Variants in INTS5 observed in about 807,000 individuals in gnomAD.
INTS5 encodes KIAA1698.
INTS5 carries 29 observed loss-of-function variants against 60.0 expected under a neutral mutation model. That is an observed-to-expected ratio of 0.48 (90% confidence interval 0.36 to 0.66). INTS5 has a LOEUF of 0.66. INTS5 is among the 30% of genes least tolerant of loss of function. The pLI, the probability that INTS5 is intolerant of heterozygous loss-of-function variation, is 0.00. For synonymous variants in INTS5, 588 were observed against 558.8 expected, an observed-to-expected ratio of 1.05 and a Z score of -0.74; for missense variants, 1,129 against 1,307.9, an observed-to-expected ratio of 0.86 and a Z score of 2.11.
chr11:62,648,522 C>G lies in INTS5; in HGVS notation c.1558G>C (p.Gly520Arg), dbSNP rs1944564831. ...CTTCGGGCTCGGCTCAGCAGATGGC[C>G]CAAGGCCTCAGGTCCACAGCTAGGC... Reference protein sequence around the residue: ...TRPSCGPEALGHLLSRARSPE... With the variant: ...TRPSCGPEALRHLLSRARSPE... The change falls in exon 2 of 2, where the codon GGC becomes CGC. Residue 520 changes from glycine (G) to arginine (R), a missense_variant. Transcript: ENST00000330574. This position sits in a 1 kb window ranked among gnomAD's most constrained non-coding sequence, Gnocchi z 4.4. 6.2e-7 allele frequency: 1 copy of G among 1,614,158 alleles called. No individual in the cohort carries two copies. The highest frequency in any genetic ancestry group is 1.1e-5 in the South Asian group (1 of 91,092).
Position 62,647,584 on chromosome 11 carries a change from G to T in INTS5, c.2496C>A (p.Pro832=). The change falls in exon 2 of 2, where the codon CCC becomes CCA. Residue 832 remains proline, a synonymous_variant. Transcript: ENST00000330574. ...PDAAGAELAW[P]PEEHARATVE... ...CGGTGGCCCGGGCGTGTTCCTCGGGGGGCCAGGCCAGCTCTGCACCAGCTG... is the reference window on the plus strand; with the variant it reads ...CGGTGGCCCGGGCGTGTTCCTCGGGTGGCCAGGCCAGCTCTGCACCAGCTG... 1 of 1,613,964 alleles carries T rather than the reference G, an allele frequency of 6.2e-7. No homozygotes were observed. The highest frequency in any genetic ancestry group is 8.5e-7 in the Non-Finnish European group (1 of 1,180,030).
chr11:62,650,474 G>A (rs534774255), intron 1 of INTS5, among the ~76,000 whole-genome samples: 23 of 141,556 alleles, frequency 1.6e-4, no homozygotes, highest in Non-Finnish European at 3.4e-4. Context: ...GTGCAGTGGC[G>A]CCACCTTGGC....
intron 1 of INTS5, among the ~76,000 whole-genome samples, 196 bp from the exon 2 acceptor site, chr11:62,650,195 C>T (rs1288023552): frequency 1.3e-5 from 2 of 151,996 alleles, no homozygotes; most frequent in African/African-American, 2.4e-5. Context: ...CAGCTCACTG[C>T]AAGCTCCGCC....
chr11:62,649,320 C>A lies in INTS5; in HGVS notation c.760G>T (p.Gly254Cys), dbSNP rs780467973. The change falls in exon 2 of 2, where the codon GGT becomes TGT. Residue 254 changes from glycine to cysteine, a missense_variant. Around this residue, in one of 3 missense-constraint regions of INTS5, gnomAD observed 1,070 missense variants for 1,246.1 expected, o/e 0.86. Transcript: ENST00000330574. The surrounding 1 kb of genome is among the most constrained non-coding windows in gnomAD (Gnocchi z 6.0). ...SCGLKDFCVH[G>C]GAGGGAGSSG... ...CTGCCAGCTCCACCTCCAGCCCCAC[C>A]ATGGACACAAAAGTCCTTAAGGCCA... 6.2e-7 allele frequency: 1 copy of A among 1,614,116 alleles called. No individual in the cohort carries two copies. Among genetic ancestry groups the A allele is most frequent in the Non-Finnish European group, 8.5e-7 (1 of 1,180,030 alleles).
At chr11:62,652,781 G>T (rs1436456205) in intron 1 of INTS5, among the ~76,000 whole-genome samples, 1 of 152,256 alleles carries the variant, frequency 6.6e-6, no homozygotes, top group African/African-American at 2.4e-5. Context: ...CCTAATATAA[G>T]GGAATATCTC....
At chr11:62,653,086 G>T in intron 1 of INTS5, 84 bp downstream of exon 1, 1 of 844,950 alleles carries the variant, frequency 1.2e-6, no homozygotes, top group Non-Finnish European at 1.6e-6. Flanking sequence ...GAGTTCTCGA[G>T]GTAGGATCCG....
rs1292270619 is a variant in INTS5 at position 62,648,519 on chromosome 11, G to A, written c.1561C>T (p.His521Tyr). ...RPSCGPEALGHLLSRARSPEE... is the reference protein window; with the variant it reads ...RPSCGPEALGYLLSRARSPEE... ...GGGCTTCGGGCTCGGCTCAGCAGAT[G>A]GCCCAAGGCCTCAGGTCCACAGCTA... The change falls in exon 2 of 2, where the codon CAT becomes TAT. Residue 521 changes from histidine (H) to tyrosine (Y), a missense_variant. His to Tyr is a moderately conservative substitution (Grantham distance 83). Around this residue, in one of 3 missense-constraint regions of INTS5, gnomAD observed 1,070 missense variants for 1,246.1 expected, o/e 0.86. Coordinates refer to ENST00000330574, the MANE Select transcript of INTS5 (RefSeq NM_030628.2). The surrounding 1 kb of genome is among the most constrained non-coding windows in gnomAD (Gnocchi z 4.4). 1 of 1,614,202 alleles carries A rather than the reference G, an allele frequency of 6.2e-7. No homozygotes were observed. Among genetic ancestry groups the A allele is most frequent in the Admixed American group, 1.7e-5 (1 of 60,030 alleles).
intron 1 of INTS5, 50 bp downstream of exon 1, chr11:62,653,120 A>T: frequency 8.9e-7 from 1 of 1,129,856 alleles, no homozygotes; most frequent in Non-Finnish European, 1.1e-6. Flanking sequence ...AAGGCTAGGG[A>T]TCGGCGCGGG....
intron 1 of INTS5, among the ~76,000 whole-genome samples, chr11:62,652,230 A>G (rs915941843): frequency 3.3e-5 from 5 of 151,726 alleles, no homozygotes; most frequent in Admixed American, 6.6e-5. Context: ...GAGGCATGAG[A>G]ATCGCTTGAA....
At chr11:62,653,086 G>A (rs541802292) in intron 1 of INTS5, 84 bp downstream of exon 1, 2 of 844,950 alleles carry the variant, frequency 2.4e-6, no homozygotes, top group East Asian at 6.7e-5. Context: ...GAGTTCTCGA[G>A]GTAGGATCCG....
At chr11:62,652,181 A>AG (rs57246504) in intron 1 of INTS5, among the ~76,000 whole-genome samples, 1 of 149,256 alleles carries the variant, frequency 6.7e-6, no homozygotes, top group Non-Finnish European at 1.5e-5. Flanking sequence ...AAAAAAAAAA[A>AG]TAGCCAGGCA....
Position 62,648,685 on chromosome 11 carries a change from G to C in INTS5, c.1395C>G (p.Pro465=). 1 of 1,614,080 alleles carries C rather than the reference G, an allele frequency of 6.2e-7. No individual in the cohort carries two copies. The highest frequency in any genetic ancestry group is 8.5e-7 in the Non-Finnish European group (1 of 1,179,994). ...AAAAGGGCACCAAGCGGGGAGGTGG[G>C]GGCGGGCCTAGCACCCCTTCCCCAG... ...GSPGEGVLGP[P]PPPRLVPFLD... is the part of the protein sequence containing the mutation. The change falls in exon 2 of 2, where the codon CCC becomes CCG. Residue 465 remains proline (P), a synonymous_variant. Transcript: ENST00000330574. The surrounding 1 kb of genome is among the most constrained non-coding windows in gnomAD (Gnocchi z 4.4).
At position 62,648,714 on chromosome 11, in the gene INTS5, A is replaced by C. The variant is rs1247698892; in HGVS notation, c.1366T>G (p.Ser456Ala). Residue 456 changes from serine to alanine, a missense_variant, in exon 2 of 2, where the codon TCT (serine) becomes GCT (alanine). By Grantham distance (99) the Ser-to-Ala change is moderately conservative. This residue lies in a region of INTS5 where 1,070 missense variants were observed against 1,246.1 expected (regional missense o/e 0.86). Transcript: ENST00000330574. This position sits in a 1 kb window ranked among gnomAD's most constrained non-coding sequence, Gnocchi z 4.4. Reference sequence around the variant, plus strand: ...GGGCCTAGCACCCCTTCCCCAGGAGACCCTCCCCGGTGATGAACCAGTTTT... The same window carrying C: ...GGGCCTAGCACCCCTTCCCCAGGAGCCCCTCCCCGGTGATGAACCAGTTTT... ...LQKLVHHRGG[S>A]PGEGVLGPPP... 4.3e-6 allele frequency: 7 copies of C among 1,613,716 alleles called. No individual in the cohort carries two copies. The highest frequency in any genetic ancestry group is 1.6e-4 in the Middle Eastern group (1 of 6,084).
Position 62,648,383 on chromosome 11 carries a change from A to G in INTS5, c.1697T>C (p.Leu566Ser), listed in dbSNP as rs756278546. ...GAACCGGGCCGTGAAGGGAGGCTGT[A>G]ATGTCCCTGCATGCACCCGAGCCAG... ...SCLARVHAGT[L>S]QPPFTARFLR... is the part of the protein sequence containing the mutation. The change falls in exon 2 of 2, where the codon TTA (leucine) becomes TCA (serine). Residue 566 changes from leucine (L) to serine (S), a missense_variant. Around this residue, in one of 3 missense-constraint regions of INTS5, gnomAD observed 1,070 missense variants for 1,246.1 expected, o/e 0.86. Transcript: ENST00000330574. The surrounding 1 kb of genome is among the most constrained non-coding windows in gnomAD (Gnocchi z 4.4). 1.5e-5 allele frequency: 24 copies of G among 1,614,164 alleles called. No homozygotes were observed. In the East Asian group the frequency reaches 5.3e-4, roughly 36 times the overall value.
intron 1 of INTS5, 90 bp downstream of exon 1, chr11:62,653,080 T>C (rs11600264): frequency 0.019 from 15,120 of 801,274 alleles, 187 homozygotes; most frequent in Non-Finnish European, 0.022. Flanking sequence ...TGACGTGAGT[T>C]CTCGAGGTAG....
chr11:62,647,542 G>A lies in INTS5; in HGVS notation c.2538C>T (p.Arg846=), dbSNP rs770815554. The change falls in exon 2 of 2, where the codon CGC becomes CGT. Residue 846 remains arginine, a synonymous_variant. Transcript: ENST00000330574. ...GCTGTTCGCGGAAGCGCCGGCCAAT[G>A]CGGAGATCCCGCTCCACGGTGGCCC... ...HARATVERDL[R]IGRRFREQPL... 1 of 1,613,568 alleles carries A rather than the reference G, an allele frequency of 6.2e-7. No individual in the cohort carries two copies.
Position 62,647,524 on chromosome 11 carries a change from G to T in INTS5, c.2556C>A (p.Arg852=). 6.2e-7 allele frequency: 1 copy of T among 1,612,150 alleles called. No individual in the cohort carries two copies. Among genetic ancestry groups the T allele is most frequent in the Non-Finnish European group, 8.5e-7 (1 of 1,179,146 alleles). ...ERDLRIGRRF[R]EQPLLFELLK... Reference sequence around the variant, plus strand: ...ACAGCTCAAAGAGCAGGGGCTGTTCGCGGAAGCGCCGGCCAATGCGGAGAT... The same window carrying T: ...ACAGCTCAAAGAGCAGGGGCTGTTCTCGGAAGCGCCGGCCAATGCGGAGAT... The change falls in exon 2 of 2, where the codon CGC becomes CGA. Residue 852 remains arginine, a synonymous_variant. Transcript: ENST00000330574.
Position 62,648,815 on chromosome 11 carries a change from G to T in INTS5, c.1265C>A (p.Thr422Asn). 6.2e-7 allele frequency: 1 copy of T among 1,614,138 alleles called. No individual in the cohort carries two copies. Among genetic ancestry groups the T allele is most frequent in the Non-Finnish European group, 8.5e-7 (1 of 1,180,038 alleles). Residue 422 changes from threonine (T) to asparagine (N), a missense_variant, in exon 2 of 2, where the codon ACC becomes AAC. By Grantham distance (65) the Thr-to-Asn change is moderately conservative. Transcript: ENST00000330574. The surrounding 1 kb of genome is among the most constrained non-coding windows in gnomAD (Gnocchi z 4.4). The part of the protein sequence containing the change: ...DTAMPASVIT[T>N]QGLAVPDTVR... Reference sequence around the variant, plus strand: ...GGTGTCTGGCACAGCCAGGCCCTGGGTGGTAATGACCGAAGCAGGCATAGC... The same window carrying T: ...GGTGTCTGGCACAGCCAGGCCCTGGTTGGTAATGACCGAAGCAGGCATAGC...
rs757158326 is a variant in INTS5, at chr11:62,648,785, C to T, written c.1295G>A (p.Arg432His). 9 of 1,614,094 alleles carry T rather than the reference C, an allele frequency of 5.6e-6. No individual in the cohort carries two copies. Among genetic ancestry groups the T allele is most frequent in the African/African-American group, 4.0e-5 (3 of 74,952 alleles). The stretch of plus-strand genomic sequence containing the variant: ...CTGGATTAGCCGGTCACAAGCCTCA[C>T]GCACGGTGTCTGGCACAGCCAGGCC... ...TQGLAVPDTV[R>H]EACDRLIQLL... Residue 432 changes from arginine (R) to histidine (H), a missense_variant, in exon 2 of 2, where the codon CGT becomes CAT. Arg to His is a conservative substitution (Grantham distance 29). Coordinates refer to ENST00000330574, the MANE Select transcript of INTS5 (RefSeq NM_030628.2). The surrounding 1 kb of genome is among the most constrained non-coding windows in gnomAD (Gnocchi z 4.4).
Sources: gnomAD v4.1 joint callset for allele counts (sites outside exome capture counted in the v4.1 genomes callset) on GRCh38, gnomAD v4.1.1 for gene constraint, gnomAD v4.1.1 regional missense constraint, Gnocchi (gnomAD v3.1) non-coding constraint, MANE v1.5 for transcripts, NCBI Gene and HGNC (gene_info 2026-07-23, HGNC 2026-07-21) for gene names.